The following LCLAT1 variants were observed in gnomAD, a reference collection of about 807,000 sequenced individuals.
LCLAT1 encodes lysocardiolipin acyltransferase 1.
A neutral mutation model predicts 30.7 loss-of-function variants in LCLAT1; 11 were observed. The ratio of observed to expected loss-of-function variants is 0.36; its 90% CI spans 0.23 to 0.59. LCLAT1 has a LOEUF of 0.59. LCLAT1 is among the 20% of genes least tolerant of loss of function. The pLI is 0.77. For synonymous variants in LCLAT1, 155 were observed against 151.3 expected (o/e 1.02, Z -0.18); for missense variants, 402 against 458.6 (o/e 0.88, Z 1.13).
chr2:30,526,919 T>G (rs1685747300), intron 2 of LCLAT1, among the ~76,000 whole-genome samples: 1 of 152,226 alleles, frequency 6.6e-6, no homozygotes, highest in African/African-American at 2.4e-5. Context: ...AGTTACATTT[T>G]TAAATTAGCT....
intron 3 of LCLAT1, among the ~76,000 whole-genome samples, chr2:30,537,498 C>T (rs913132900): frequency 4.0e-5 from 6 of 148,640 alleles, no homozygotes; most frequent in Middle Eastern, 3.4e-3. Flanking sequence ...ATCAATTCAG[C>T]GAGAGGATAT....
intron 1 of LCLAT1, among the ~76,000 whole-genome samples, chr2:30,503,647 G>A (rs1489687488): frequency 2.0e-5 from 3 of 152,120 alleles, no homozygotes; most frequent in African/African-American, 7.2e-5. Context: ...TGTACTTGCT[G>A]TTTGAGAAGA....
intron 5 of LCLAT1, among the ~76,000 whole-genome samples, chr2:30,617,451 G>T (rs113594918): frequency 6.6e-5 from 10 of 152,182 alleles, no homozygotes; most frequent in Admixed American, 5.9e-4. Flanking sequence ...AGACACCTGC[G>T]TTATTTACAA....
At chr2:30,450,863 G>C (rs992688990) in intron 1 of LCLAT1, among the ~76,000 whole-genome samples, 1 of 152,170 alleles carries the variant, frequency 6.6e-6, no homozygotes, top group Non-Finnish European at 1.5e-5. Flanking sequence ...TTTGTCTTCA[G>C]ACTTCTTTAA....
intron 5 of LCLAT1, among the ~76,000 whole-genome samples, chr2:30,617,448 T>C (rs146258182): frequency 1.4e-3 from 220 of 152,346 alleles, no homozygotes; most frequent in African/African-American, 5.1e-3. Context: ...GATAGACACC[T>C]GCGTTATTTA....
At chr2:30,496,225 C>G (rs1684106069) in intron 1 of LCLAT1, among the ~76,000 whole-genome samples, 1 of 152,188 alleles carries the variant, frequency 6.6e-6, no homozygotes, top group Admixed American at 6.5e-5. Flanking sequence ...TCCCACCAGG[C>G]CCCTCTTCCA....
chr2:30,537,305 T>C (rs1032489751), intron 3 of LCLAT1, among the ~76,000 whole-genome samples: 2 of 150,034 alleles, frequency 1.3e-5, no homozygotes, highest in East Asian at 2.0e-4. Context: ...GGCGTGAACC[T>C]GGGAAGCGGA....
intron 1 of LCLAT1, among the ~76,000 whole-genome samples, chr2:30,500,864 C>T (rs766170384): frequency 6.6e-6 from 1 of 152,154 alleles, no homozygotes; most frequent in Non-Finnish European, 1.5e-5. Flanking sequence ...GAGACAGTTA[C>T]TGTTGTCTTA....
chr2:30,562,889 G>A (rs1214656004), intron 4 of LCLAT1, among the ~76,000 whole-genome samples: 2 of 152,014 alleles, frequency 1.3e-5, no homozygotes, highest in Non-Finnish European at 1.5e-5. Flanking sequence ...TTCAGTTATT[G>A]TTGATTTACG....
At position 30,640,753 on chromosome 2, in the gene LCLAT1, G is replaced by C; in HGVS notation, c.*134G>C. ...CATCATTATTTGTTAAAGATATTTT[G>C]CACTTAATTTTGTGGGAAAAATATT... On this transcript the variant is annotated 3_prime_UTR_variant, in exon 6 of 6. Coordinates refer to ENST00000379509, the MANE Select transcript of LCLAT1 (RefSeq NM_001002257.3). 1.7e-6 allele frequency: 2 copies of C among 1,158,288 alleles called. No homozygotes were observed. Among genetic ancestry groups the C allele is most frequent in the Non-Finnish European group, 2.4e-6 (2 of 845,140 alleles). The allele number at this position is 1,158,288 out of a possible 1,614,324, so 71.8% of individuals were successfully genotyped here.
intron 1 of LCLAT1, among the ~76,000 whole-genome samples, chr2:30,521,095 A>G (rs1685446277): frequency 6.6e-6 from 1 of 152,202 alleles, no homozygotes; most frequent in Non-Finnish European, 1.5e-5. Context: ...CAAAACCAAG[A>G]TGGCGACAAG....
intron 5 of LCLAT1, among the ~76,000 whole-genome samples, chr2:30,637,838 A>G (rs1336352343): frequency 1.3e-5 from 2 of 152,238 alleles, no homozygotes; most frequent in East Asian, 3.9e-4. Context: ...TCGGCCTCCT[A>G]AAGTGCTGGG....
intron 3 of LCLAT1, among the ~76,000 whole-genome samples, chr2:30,539,151 G>A (rs1333463260): frequency 6.6e-6 from 1 of 151,408 alleles, no homozygotes; most frequent in Non-Finnish European, 1.5e-5. Context: ...GTAGAGATGG[G>A]GTTTCACCAT....
chr2:30,533,017 A>T, intron 2 of LCLAT1, 99 bp from the exon 3 acceptor site: 1 of 858,540 alleles, frequency 1.2e-6, no homozygotes, highest in Middle Eastern at 2.9e-4. Flanking sequence ...ACTAACTTTT[A>T]CATGTTAGAA....
intron 5 of LCLAT1, among the ~76,000 whole-genome samples, chr2:30,582,891 C>A (rs1047596514): frequency 2.0e-5 from 3 of 152,176 alleles, no homozygotes; most frequent in African/African-American, 7.2e-5. Flanking sequence ...GCCTTAAGTT[C>A]CATTGGCTAA....
chr2:30,510,071 GA>G (rs1194566417), intron 1 of LCLAT1, among the ~76,000 whole-genome samples: 3 of 152,180 alleles, frequency 2.0e-5, no homozygotes, highest in African/African-American at 7.2e-5. Context: ...AACTTTCAGA[GA>G]GTCTTCCTTT....
chr2:30,549,429 A>G (rs1405008042), intron 3 of LCLAT1, among the ~76,000 whole-genome samples: 1 of 152,218 alleles, frequency 6.6e-6, no homozygotes, highest in African/African-American at 2.4e-5. Context: ...TAATAATTAC[A>G]TTCTAAAATT....
intron 1 of LCLAT1, among the ~76,000 whole-genome samples, chr2:30,487,172 C>T (rs1014879102): frequency 3.3e-5 from 5 of 152,142 alleles, no homozygotes; most frequent in Non-Finnish European, 7.4e-5. Flanking sequence ...GTGACTTTGC[C>T]TTATAATTCT....
chr2:30,582,926 G>A (rs1666266171), intron 5 of LCLAT1, among the ~76,000 whole-genome samples: 4 of 152,190 alleles, frequency 2.6e-5, no homozygotes, highest in Non-Finnish European at 5.9e-5. Flanking sequence ...TACATAAATT[G>A]AAGCAGATTG....
Sources: allele counts gnomAD v4.1 joint callset (sites outside exome capture counted in the v4.1 genomes callset), GRCh38; gene constraint gnomAD v4.1.1; transcripts MANE v1.5; gene names NCBI Gene and HGNC (gene_info 2026-07-23, HGNC 2026-07-21).